Variants in BRCA2 observed in about 807,000 individuals in gnomAD.
The protein encoded by BRCA2 is breast cancer type 2 susceptibility protein.
A neutral mutation model predicts 276.7 loss-of-function variants in BRCA2; 203 were observed. The observed-to-expected ratio is 0.73, with a 90% CI of 0.65 to 0.82. The LOEUF (loss-of-function observed/expected upper bound fraction) is 0.82, where lower values mean the gene tolerates loss of function less well. Among genes scored for constraint, BRCA2 ranks in the 40% least tolerant of loss-of-function variants. The probability of loss-of-function intolerance (pLI) is 0.00; values close to 1 mark genes in which losing one functional copy is unlikely to be tolerated. For missense variants in BRCA2, 3,920 were observed against 3,915.0 expected, an observed-to-expected ratio of 1.00 and a Z score of -0.03; for synonymous variants, 1,289 against 1,338.4, an observed-to-expected ratio of 0.96 and a Z score of 0.81.
In BRCA2 at chr13:32,339,586, G is replaced by A. The variant is rs587782060; in HGVS notation, c.5231G>A (p.Ser1744Asn). 1 of 1,610,596 alleles carries A rather than the reference G, an allele frequency of 6.2e-7. No individual in the cohort carries two copies. Among genetic ancestry groups the A allele is most frequent in the Non-Finnish European group, 8.5e-7 (1 of 1,177,774 alleles). Reference sequence around the variant, plus strand: ...CAAGATACTTATTTAAGTAACAGTAGCATGTCTAACAGCTATTCCTACCAT... The same window carrying A: ...CAAGATACTTATTTAAGTAACAGTAACATGTCTAACAGCTATTCCTACCAT... ...EKQDTYLSNS[S>N]MSNSYSYHSD... Residue 1744 changes from serine to asparagine, a missense_variant, in exon 11 of 27, where the codon AGC becomes AAC. Around this residue, in one of 2 missense-constraint regions of BRCA2, gnomAD observed 3,263 missense variants for 3,156.9 expected, o/e 1.03. Transcript: ENST00000380152.
rs1555284161 is a variant in BRCA2 at position 32,339,656 on chromosome 13, A to G, written c.5301A>G (p.Lys1767=). The G allele has an allele frequency of 1.2e-6, 2 of 1,612,686 alleles. No individual in the cohort carries two copies. Among genetic ancestry groups the G allele is most frequent in the Non-Finnish European group, 1.7e-6 (2 of 1,178,980 alleles). The part of the protein sequence containing the change: ...YNDSGYLSKN[K]LDSGIEPVLK... ...ATTCAGGATATCTCTCAAAAAATAAACTTGATTCTGGTATTGAGCCAGTAT... is the reference window on the plus strand; with the variant it reads ...ATTCAGGATATCTCTCAAAAAATAAGCTTGATTCTGGTATTGAGCCAGTAT... The change falls in exon 11 of 27, where the codon AAA becomes AAG. Residue 1767 remains lysine (K), a synonymous_variant. Transcript: ENST00000380152.
At chr13:32,359,852 A>C (rs1316589735) in intron 16 of BRCA2, among the ~76,000 whole-genome samples, 1 of 152,216 alleles carries the variant, frequency 6.6e-6, no homozygotes, top group Non-Finnish European at 1.5e-5. Flanking sequence ...ATCTCTATTG[A>C]GCACTTGCTA....
intron 18 of BRCA2, among the ~76,000 whole-genome samples, chr13:32,369,464 C>T (rs1027030819): frequency 2.0e-5 from 3 of 152,188 alleles, no homozygotes. Flanking sequence ...CTCCTTACAA[C>T]AAGTTTGGTG....
rs1170605800 is a variant in BRCA2 at position 32,349,381 on chromosome 13, G to C, written c.7007+2485G>C. Among the ~76,000 whole-genome samples the C allele has an allele frequency of 2.0e-5, 3 of 151,690 alleles. No homozygotes were observed. The East Asian group carries it at 5.8e-4, about 29-fold the overall frequency. ...GTAACTAAATTTCTCAAAGCATGCA[G>C]AAGGAAACTGAATGAAAGCTGGTGG... On this transcript the variant is annotated intron_variant, in intron 13 of 26. Coordinates refer to ENST00000380152, the MANE Select transcript of BRCA2 (RefSeq NM_000059.4).
rs786203887 is a variant in BRCA2 at position 32,332,375 on chromosome 13, T to C, written c.897T>C (p.Val299=). 1 of 1,594,766 alleles carries C rather than the reference T, an allele frequency of 6.3e-7. No homozygotes were observed. Among genetic ancestry groups the C allele is most frequent in the Non-Finnish European group, 8.5e-7 (1 of 1,170,224 alleles). ...NVLEDEVYET[V]VDTSEEDSFS... ...TAGAAGATGAAGTATATGAAACAGT[T>C]GTAGATACCTCTGAAGAAGATAGTT... is the stretch of plus-strand genomic sequence containing the variant. The change falls in exon 10 of 27, where the codon GTT becomes GTC. Residue 299 remains valine (V), a synonymous_variant. Transcript: ENST00000380152.
chr13:32,348,465 A>G lies in BRCA2; in HGVS notation c.7007+1569A>G, dbSNP rs566431547. ...TAGAGGACCAAGAAGTTAGGTTTCA[A>G]ATTGTTTCAAGCCATAATAGTATGA... On this transcript the variant is annotated intron_variant, in intron 13 of 26. Transcript: ENST00000380152. Among the ~76,000 whole-genome samples the G allele has an allele frequency of 2.5e-3, 374 of 152,248 alleles. 1 individual carries two copies. Among genetic ancestry groups the G allele is most frequent in the African/African-American group, 8.5e-3 (352 of 41,568 alleles).
At position 32,338,064 on chromosome 13, in the gene BRCA2, G is replaced by C. The variant is rs398122770; in HGVS notation, c.3709G>C (p.Ala1237Pro). 9.9e-6 allele frequency: 16 copies of C among 1,611,622 alleles called. No individual in the cohort carries two copies. Among genetic ancestry groups the C allele is most frequent in the Non-Finnish European group, 1.4e-5 (16 of 1,178,980 alleles). The change falls in exon 11 of 27, where the codon GCT becomes CCT. Residue 1237 changes from alanine to proline, a missense_variant. Ala to Pro is a conservative substitution (Grantham distance 27). Around this residue, in one of 2 missense-constraint regions of BRCA2, gnomAD observed 3,263 missense variants for 3,156.9 expected, o/e 1.03. Transcript: ENST00000380152. ...TGTTTCTACTGAAGCTCTGCAAAAA[G>C]CTGTGAAACTGTTTAGTGATATTGA... ...LNVSTEALQKAVKLFSDIENI... is the reference protein window; with the variant it reads ...LNVSTEALQKPVKLFSDIENI...
At chr13:32,361,540 C>A (rs995325648) in intron 16 of BRCA2, among the ~76,000 whole-genome samples, 1 of 151,982 alleles carries the variant, frequency 6.6e-6, no homozygotes, top group East Asian at 1.9e-4. Context: ...AGAAAAAAAC[C>A]GTTTCTTATG....
Position 32,344,892 on chromosome 13 carries a change from A to T in BRCA2, c.6937+239A>T, listed in dbSNP as rs190434310. ...AGAAATGTAAATTGATTAATGTTAA[A>T]ATTAGTAATATTATGCGTTGGTCAT... On this transcript the variant is annotated intron_variant, in intron 12 of 26. Coordinates refer to ENST00000380152, the MANE Select transcript of BRCA2 (RefSeq NM_000059.4). Among the ~76,000 whole-genome samples the T allele has an allele frequency of 3.5e-3, 537 of 152,272 alleles. 3 individuals are homozygous for T. The highest frequency in any genetic ancestry group is 5.7e-3 in the Non-Finnish European group (390 of 67,968).
chr13:32,337,058 T>A lies in BRCA2; in HGVS notation c.2703T>A (p.Leu901=), dbSNP rs786201627. Residue 901 remains leucine, a synonymous_variant, in exon 11 of 27, where the codon CTT becomes CTA. Transcript: ENST00000380152. ...AAGTAGCTAATGAAAGGAATAATCT[T>A]GCTTTAGGAAATACTAAGGAACTTC... is the stretch of plus-strand genomic sequence containing the variant. The part of the protein sequence containing the change: ...VFQVANERNN[L]ALGNTKELHE... The A allele has an allele frequency of 4.4e-6, 7 of 1,605,142 alleles. No individual in the cohort carries two copies. The highest frequency in any genetic ancestry group is 5.9e-6 in the Non-Finnish European group (7 of 1,177,640).
rs587782878 is a variant in BRCA2 at position 32,379,742 on chromosome 13, CCAAA to C, written c.8954-5_8954-2del. 48 of 1,608,620 alleles carry C rather than the reference CCAAA, an allele frequency of 3.0e-5. No homozygotes were observed. The East Asian group carries it at 8.9e-4, about 30-fold the overall frequency. ...TCCATTGCATCTTTCTCATCTTTCT[CCAAA>C]CAGTTATACTGAGTATTTGGCGTCC... On this transcript the variant is annotated splice_region_variant and splice_polypyrimidine_tract_variant and intron_variant, in intron 22 of 26. Coordinates refer to ENST00000380152, the MANE Select transcript of BRCA2 (RefSeq NM_000059.4).
intron 15 of BRCA2, 114 bp from the exon 16 acceptor site, chr13:32,357,628 A>G (rs1050417404): frequency 1.0e-5 from 10 of 992,612 alleles, no homozygotes; most frequent in Non-Finnish European, 1.3e-5. Flanking sequence ...AGATTCTAGT[A>G]GTTAATGAAA....
intron 18 of BRCA2, among the ~76,000 whole-genome samples, chr13:32,365,182 T>G (rs1044110639): frequency 9.9e-4 from 145 of 145,938 alleles, no homozygotes; most frequent in African/African-American, 3.6e-3. Flanking sequence ...TGTTTCATTT[T>G]GTACAGATGA....
At chr13:32,397,715 C>T (rs2073046013) in intron 26 of BRCA2, among the ~76,000 whole-genome samples, 2 of 152,042 alleles carry the variant, frequency 1.3e-5, no homozygotes, top group Non-Finnish European at 1.5e-5. Context: ...CTCTATTATC[C>T]TGATTTTGTA....
At chr13:32,386,603 G>A (rs2137637810) in intron 24 of BRCA2, among the ~76,000 whole-genome samples, 1 of 150,618 alleles carries the variant, frequency 6.6e-6, no homozygotes, top group Admixed American at 6.6e-5. Flanking sequence ...AAAATGTTAG[G>A]TAGATTTGTA....
At chr13:32,355,555 T>C (rs2072687223) in intron 14 of BRCA2, among the ~76,000 whole-genome samples, 1 of 152,142 alleles carries the variant, frequency 6.6e-6, no homozygotes, top group Non-Finnish European at 1.5e-5. Context: ...CTACTAATTT[T>C]CTTTTTAAAA....
intron 11 of BRCA2, among the ~76,000 whole-genome samples, chr13:32,344,188 G>A (rs1324170268): frequency 1.4e-5 from 2 of 147,174 alleles, no homozygotes; most frequent in African/African-American, 2.5e-5. Flanking sequence ...AAAAAAGAGA[G>A]AAAAAGTTTA....
chr13:32,377,522 A>G (rs954298856), intron 21 of BRCA2, among the ~76,000 whole-genome samples: 6 of 151,326 alleles, frequency 4.0e-5, no homozygotes, highest in Non-Finnish European at 7.4e-5. Flanking sequence ...TCCAGGAGGC[A>G]GAGGTTGCAG....
Position 32,396,881 on chromosome 13 carries a change from T to C in BRCA2, c.9502-17T>C, listed in dbSNP as rs752544229. 7.4e-6 allele frequency: 12 copies of C among 1,613,842 alleles called. No individual in the cohort carries two copies. In the African/African-American group the frequency reaches 1.5e-4, roughly 20 times the overall value. The stretch of plus-strand genomic sequence containing the variant: ...GGTTTGCAATTTATAAAGCAGCTTT[T>C]CCACTTATTTTCTTAGAATATTGAC... On this transcript the variant is annotated splice_polypyrimidine_tract_variant and intron_variant, in intron 25 of 26. Transcript: ENST00000380152.
Sources: gnomAD v4.1 joint callset for allele counts (sites outside exome capture counted in the v4.1 genomes callset) on GRCh38, gnomAD v4.1.1 for gene constraint, gnomAD v4.1.1 regional missense constraint, MANE v1.5 for transcripts, NCBI Gene and HGNC (gene_info 2026-07-23, HGNC 2026-07-21) for gene names.